SULT1C4: variants seen among roughly 807,000 people sequenced by gnomAD.
SULT1C4 encodes sulfotransferase family 1C member 4, also known as sulfotransferase 1C4.
A neutral mutation model predicts 34.8 loss-of-function variants in SULT1C4; 32 were observed. The ratio of observed to expected loss-of-function variants is 0.92; its 90% CI spans 0.69 to 1.23. The LOEUF is 1.23. Ranked by LOEUF, SULT1C4 falls within the 50% of genes most tolerant of loss-of-function variation. SULT1C4 has a pLI of 0.00. For missense variants in SULT1C4, 375 were observed against 365.9 expected (o/e 1.02, Z -0.20); for synonymous variants, 111 against 120.5 (o/e 0.92, Z 0.51).
At chr2:108,384,148 C>A (rs1382723378) in intron 5 of SULT1C4, among the ~76,000 whole-genome samples, 1 of 152,100 alleles carries the variant, frequency 6.6e-6, no homozygotes, top group East Asian at 1.9e-4. Flanking sequence ...GGATTACAGG[C>A]ATGAGCTACC....
intron 2 of SULT1C4, 29 bp from the exon 3 acceptor site, chr2:108,382,356 T>C: frequency 1.9e-6 from 3 of 1,577,844 alleles, no homozygotes; most frequent in South Asian, 2.3e-5. Flanking sequence ...AAAAAAATCG[T>C]AGAAATTGAT....
intron 2 of SULT1C4, 158 bp from the exon 3 acceptor site, chr2:108,382,226 AT>A: frequency 1.5e-6 from 1 of 687,318 alleles, no homozygotes; most frequent in Non-Finnish European, 2.6e-6. Context: ...TAGTCAAAAC[AT>A]CTATTCATAG....
At position 108,378,443 on chromosome 2, in the gene SULT1C4, G is replaced by A; in HGVS notation, c.106G>A (p.Asp36Asn). 2 of 1,614,214 alleles carry A rather than the reference G, an allele frequency of 1.2e-6. No homozygotes were observed. The highest frequency in any genetic ancestry group is 1.1e-5 in the South Asian group (1 of 91,090). ...LQPTDTCDIW[D>N]KIWNFQAKPD... Reference sequence around the variant, plus strand: ...ACCGACAGACACCTGTGACATCTGGGATAAGATCTGGAACTTCCAAGCCAA... The same window carrying A: ...ACCGACAGACACCTGTGACATCTGGAATAAGATCTGGAACTTCCAAGCCAA... The change falls in exon 1 of 7, where the codon GAT becomes AAT. Residue 36 changes from aspartate to asparagine, a missense_variant. Physicochemically the swap from Asp to Asn is conservative, Grantham distance 23 (BLOSUM62 1). Coordinates refer to ENST00000272452, the MANE Select transcript of SULT1C4 (RefSeq NM_006588.4).
At chr2:108,379,279 T>C (rs1162576838) in intron 1 of SULT1C4, among the ~76,000 whole-genome samples, 1 of 152,220 alleles carries the variant, frequency 6.6e-6, no homozygotes, top group Non-Finnish European at 1.5e-5. Context: ...CTCAGTATTT[T>C]CTGAGACTGT....
chr2:108,380,257 T>G (rs1433494311), intron 1 of SULT1C4, among the ~76,000 whole-genome samples: 1 of 152,152 alleles, frequency 6.6e-6, no homozygotes, highest in Non-Finnish European at 1.5e-5. Flanking sequence ...CTCACACCTG[T>G]AATCCCATCA....
intron 1 of SULT1C4, 30 bp from the exon 2 acceptor site, chr2:108,381,732 C>G (rs1252930818): frequency 2.2e-6 from 3 of 1,362,724 alleles, no homozygotes; most frequent in Non-Finnish European, 9.5e-7. Flanking sequence ...TACTAGATGT[C>G]TATTCATCTT....
In SULT1C4 at chr2:108,387,795, A is replaced by ATTT. The variant is rs57444248; in HGVS notation, c.*380_*382dup. 4 of 140,758 alleles carry ATTT rather than the reference A, an allele frequency of 2.8e-5. No homozygotes were observed. The highest frequency in any genetic ancestry group is 6.1e-5 in the Non-Finnish European group (4 of 65,652). 8.7% of individuals were successfully genotyped at this position (140,758 alleles called of 1,614,324 possible). On this transcript the variant is annotated 3_prime_UTR_variant, in exon 7 of 7. Transcript: ENST00000272452. ...TCAGATTAAGTTTTGGTTCAAGTTAATTTTTTTTTTTTTTTTTTTGAGACG... is the reference window on the plus strand; with the variant it reads ...TCAGATTAAGTTTTGGTTCAAGTTAATTTTTTTTTTTTTTTTTTTTTTGAGACG...
intron 2 of SULT1C4, 101 bp from the exon 3 acceptor site, chr2:108,382,284 T>C (rs879748919): frequency 1.5e-5 from 14 of 914,164 alleles, no homozygotes; most frequent in Admixed American, 1.8e-5. Context: ...AATGTTCTTA[T>C]AGATGCTTTG....
In SULT1C4 at chr2:108,385,888, CA is replaced by C. The variant is rs201633975; in HGVS notation, c.616-303del. On this transcript the variant is annotated intron_variant, in intron 5 of 6. Coordinates refer to ENST00000272452, the MANE Select transcript of SULT1C4 (RefSeq NM_006588.4). The stretch of plus-strand genomic sequence containing the variant: ...AAATGCCTTGAGCAGGGCTTGTGGA[CA>C]TAACCCTGACACATTCCCTTAGTGA... 5.3e-3 allele frequency among the ~76,000 whole-genome samples: 808 copies of C among 152,348 alleles called. 12 individuals carry two copies. Among genetic ancestry groups the C allele is most frequent in the African/African-American group, 0.019 (773 of 41,588 alleles).
intron 6 of SULT1C4, among the ~76,000 whole-genome samples, chr2:108,386,576 T>C (rs1043941560): frequency 6.6e-6 from 1 of 152,356 alleles, no homozygotes; most frequent in Middle Eastern, 3.4e-3. Context: ...TAAGATTTGA[T>C]GTCCAAATCC....
intron 1 of SULT1C4, among the ~76,000 whole-genome samples, chr2:108,379,654 C>T (rs1208141201): frequency 6.6e-6 from 1 of 151,978 alleles, no homozygotes; most frequent in Non-Finnish European, 1.5e-5. Flanking sequence ...TAAATACTTG[C>T]CATCTAAAGT....
In SULT1C4 at chr2:108,383,228, A is replaced by T. The variant is rs1360706676; in HGVS notation, c.520+9A>T. ...TTTTCTGGCTGGGAAAGGTGAGAGAATTTAGCTTTGTTTCCCTTCGTTTCT... is the reference window on the plus strand; with the variant it reads ...TTTTCTGGCTGGGAAAGGTGAGAGATTTTAGCTTTGTTTCCCTTCGTTTCT... On this transcript the variant is annotated intron_variant, in intron 4 of 6. Coordinates refer to ENST00000272452, the MANE Select transcript of SULT1C4 (RefSeq NM_006588.4). 6.2e-7 allele frequency: 1 copy of T among 1,607,140 alleles called. No individual in the cohort carries two copies. The highest frequency in any genetic ancestry group is 1.7e-5 in the Admixed American group (1 of 57,754).
In SULT1C4 at chr2:108,387,473, T is replaced by G; in HGVS notation, c.*41T>G. Reference sequence around the variant, plus strand: ...GAAAATGTTTTAGTTTATTACCCAGTATATTTGGGTAATAATGAAAGTTTA... The same window carrying G: ...GAAAATGTTTTAGTTTATTACCCAGGATATTTGGGTAATAATGAAAGTTTA... On this transcript the variant is annotated 3_prime_UTR_variant, in exon 7 of 7. Transcript: ENST00000272452. 1 of 1,254,308 alleles carries G rather than the reference T, an allele frequency of 8.0e-7. No individual in the cohort carries two copies. The highest frequency in any genetic ancestry group is 1.1e-6 in the Non-Finnish European group (1 of 871,730). 77.7% of individuals were successfully genotyped at this position (1,254,308 alleles called of 1,614,324 possible). A position where few individuals can be genotyped will look rare whatever the true frequency, so the allele number is the denominator to read the frequency against.
Position 108,383,487 on chromosome 2 carries a change from C to T in SULT1C4, c.592C>T (p.Leu198Phe), listed in dbSNP as rs1470689410. Residue 198 changes from leucine (L) to phenylalanine (F), a missense_variant, in exon 5 of 7, where the codon CTC (leucine) becomes TTC (phenylalanine). Leu to Phe is a conservative substitution (Grantham distance 22). Transcript: ENST00000272452. ...EAKDKHRILY[L>F]FYEDMKKNPK... is the part of the protein sequence containing the mutation. ...CAAAGACAAACACCGTATTCTCTAT[C>T]TCTTCTATGAGGACATGAAGAAGGT... 6.2e-7 allele frequency: 1 copy of T among 1,614,070 alleles called. No homozygotes were observed. Among genetic ancestry groups the T allele is most frequent in the Non-Finnish European group, 8.5e-7 (1 of 1,180,010 alleles).
At chr2:108,382,994 C>A in intron 3 of SULT1C4, 99 bp from the exon 4 acceptor site, 1 of 1,205,072 alleles carries the variant, frequency 8.3e-7, no homozygotes, top group Non-Finnish European at 1.1e-6. Flanking sequence ...TGAAATGTAT[C>A]TACCCTAACA....
intron 1 of SULT1C4, among the ~76,000 whole-genome samples, chr2:108,378,960 G>A (rs1209275297): frequency 6.6e-6 from 1 of 152,050 alleles, no homozygotes; most frequent in Non-Finnish European, 1.5e-5. Context: ...CAGGGTCTGA[G>A]AACCATCCTT....
At chr2:108,382,006 T>A (rs1009375498) in intron 2 of SULT1C4, 119 bp downstream of exon 2, 18 of 1,210,978 alleles carry the variant, frequency 1.5e-5, no homozygotes, top group Non-Finnish European at 1.7e-5. Flanking sequence ...CATGGTTTTG[T>A]CTTTTTTTAA....
rs1350323955 is a variant in SULT1C4 at position 108,388,972 on chromosome 2, G to A, written c.*1540G>A. On this transcript the variant is annotated 3_prime_UTR_variant, in exon 7 of 7. Transcript: ENST00000272452. The stretch of plus-strand genomic sequence containing the variant: ...ACTCTTCTGTGATGAAGATTAAAGT[G>A]TATTATGGCAACTCTCATGTTTCTG... 1.3e-5 allele frequency among the ~76,000 whole-genome samples: 2 copies of A among 152,106 alleles called. No individual in the cohort carries two copies. The highest frequency in any genetic ancestry group is 1.3e-4 in the Admixed American group (2 of 15,264).
rs1678604953 is a variant in SULT1C4 at position 108,387,788 on chromosome 2, C to A, written c.*356C>A. 1.8e-5 allele frequency: 3 copies of A among 164,342 alleles called. No individual in the cohort carries two copies. Among genetic ancestry groups the A allele is most frequent in the African/African-American group, 4.8e-5 (2 of 41,270 alleles). The allele number at this position is 164,342 out of a possible 1,614,324, so 10.2% of individuals were successfully genotyped here. On this transcript the variant is annotated 3_prime_UTR_variant, in exon 7 of 7. Coordinates refer to ENST00000272452, the MANE Select transcript of SULT1C4 (RefSeq NM_006588.4). ...AACATTTTCAGATTAAGTTTTGGTT[C>A]AAGTTAATTTTTTTTTTTTTTTTTT...
Sources: allele counts gnomAD v4.1 joint callset (sites outside exome capture counted in the v4.1 genomes callset), GRCh38; gene constraint gnomAD v4.1.1; transcripts MANE v1.5; gene names NCBI Gene and HGNC (gene_info 2026-07-23, HGNC 2026-07-21).